The following ATP8A1 variants were observed in gnomAD, a reference collection of about 807,000 sequenced individuals.
The protein encoded by ATP8A1 is phospholipid-transporting ATPase IA.
Under a neutral mutation model 177.7 loss-of-function variants are expected in ATP8A1, and 90 were observed. That is an observed-to-expected ratio of 0.51 (90% confidence interval 0.43 to 0.60). The LOEUF (loss-of-function observed/expected upper bound fraction) is 0.60, where lower values mean the gene tolerates loss of function less well. ATP8A1 is among the 20% of genes least tolerant of loss of function. The probability of loss-of-function intolerance (pLI) is 0.00; values close to 1 mark genes in which losing one functional copy is unlikely to be tolerated. For missense variants in ATP8A1, 1,072 were observed against 1,392.8 expected (o/e 0.77, Z 3.67); for synonymous variants, 493 against 485.9 (o/e 1.01, Z -0.19).
chr4:42,644,991 C>T (rs1414717608), intron 1 of ATP8A1, among the ~76,000 whole-genome samples: 1 of 151,634 alleles, frequency 6.6e-6, no homozygotes, highest in Non-Finnish European at 1.5e-5. Context: ...CAAATATAGG[C>T]TGAATAAAGC....
intron 1 of ATP8A1, among the ~76,000 whole-genome samples, chr4:42,643,436 G>A (rs550880077): frequency 2.0e-5 from 3 of 152,192 alleles, no homozygotes; most frequent in South Asian, 4.1e-4. Context: ...TTTCTATTTC[G>A]GTAAATGGCA....
At position 42,473,262 on chromosome 4, in the gene ATP8A1, C is replaced by A. The variant is rs191393624; in HGVS notation, c.2325-8186G>T. On this transcript the variant is annotated intron_variant, in intron 25 of 36. Transcript: ENST00000381668. ...GATCTCAGGATCTTTCTTCTGCCCC[C>A]AAGAGTTATTAATTTAAGGACTTTT... Among the ~76,000 whole-genome samples, 88 of 152,280 alleles carry A rather than the reference C, an allele frequency of 5.8e-4. No homozygotes were observed. The East Asian group carries it at 0.016, about 27-fold the overall frequency.
intron 16 of ATP8A1, 83 bp downstream of exon 16, chr4:42,555,885 C>A: frequency 1.2e-6 from 1 of 866,806 alleles, no homozygotes; most frequent in Non-Finnish European, 1.8e-6. Context: ...AAAAGAGAAA[C>A]ATGTAAACAT....
At chr4:42,546,595 AC>A (rs1271146570) in intron 19 of ATP8A1, among the ~76,000 whole-genome samples, 10 of 148,988 alleles carry the variant, frequency 6.7e-5, no homozygotes, top group South Asian at 2.2e-4. Context: ...AAAAAAAAAA[AC>A]AAAAAAACTC....
At chr4:42,508,043 C>T (rs945241922) in intron 22 of ATP8A1, among the ~76,000 whole-genome samples, 3 of 152,120 alleles carry the variant, frequency 2.0e-5, no homozygotes, top group African/African-American at 7.2e-5. Flanking sequence ...AGGGGAAGAT[C>T]AGACTCAAAG....
chr4:42,537,154 A>C (rs1166775403), intron 20 of ATP8A1, among the ~76,000 whole-genome samples: 8 of 151,348 alleles, frequency 5.3e-5, no homozygotes, highest in Non-Finnish European at 1.0e-4. Context: ...AAACAAAAAA[A>C]CCAAAAAAAC....
intron 35 of ATP8A1, among the ~76,000 whole-genome samples, chr4:42,416,976 G>C (rs1221380568): frequency 6.6e-6 from 1 of 152,148 alleles, no homozygotes; most frequent in East Asian, 1.9e-4. Context: ...ATGGGTTTTA[G>C]TTTATAATGT....
intron 4 of ATP8A1, among the ~76,000 whole-genome samples, chr4:42,621,279 T>C (rs7688946): frequency 0.23 from 34,609 of 152,256 alleles, 4,422 homozygotes; most frequent in Non-Finnish European, 0.29. Context: ...TTGAAACTGA[T>C]GATCTAAATG....
At chr4:42,605,042 T>C (rs1735655803) in intron 5 of ATP8A1, among the ~76,000 whole-genome samples, 1 of 152,212 alleles carries the variant, frequency 6.6e-6, no homozygotes, top group Non-Finnish European at 1.5e-5. Flanking sequence ...ACTGTTTACA[T>C]GTATAGGGTT....
chr4:42,555,867 A>G (rs1730179014), intron 16 of ATP8A1, 101 bp downstream of exon 16: 1 of 743,834 alleles, frequency 1.3e-6, no homozygotes, highest in Admixed American at 3.4e-5. Flanking sequence ...AAAGATCATG[A>G]AAGTAAAAAA....
intron 20 of ATP8A1, among the ~76,000 whole-genome samples, chr4:42,536,224 T>C (rs564857632): frequency 6.6e-6 from 1 of 151,982 alleles, no homozygotes; most frequent in Admixed American, 6.5e-5. Flanking sequence ...ACCAAGAAAA[T>C]AAGAGAGAAG....
At chr4:42,550,541 T>C (rs1249530796) in intron 18 of ATP8A1, among the ~76,000 whole-genome samples, 2 of 152,232 alleles carry the variant, frequency 1.3e-5, no homozygotes, top group Non-Finnish European at 2.9e-5. Flanking sequence ...ACTTTACCAC[T>C]TTACACATCT....
intron 35 of ATP8A1, among the ~76,000 whole-genome samples, chr4:42,416,674 G>A (rs565471804): frequency 6.6e-6 from 1 of 152,102 alleles, no homozygotes; most frequent in South Asian, 2.1e-4. Context: ...TTATTAGCTG[G>A]GTCACCACAG....
At chr4:42,430,147 T>C (rs1484391895) in intron 33 of ATP8A1, among the ~76,000 whole-genome samples, 3 of 151,374 alleles carry the variant, frequency 2.0e-5, no homozygotes, top group East Asian at 1.9e-4. Flanking sequence ...AACATTTAAA[T>C]GAAAAAGAAA....
chr4:42,557,086 C>T (rs1560457645), intron 15 of ATP8A1, among the ~76,000 whole-genome samples: 1 of 152,130 alleles, frequency 6.6e-6, no homozygotes, highest in African/African-American at 2.4e-5. Context: ...CACATTTCTC[C>T]AGTAAACTTA....
chr4:42,636,146 A>G (rs796860363), intron 1 of ATP8A1, among the ~76,000 whole-genome samples: 5,548 of 28,942 alleles, frequency 0.19, 380 homozygotes, highest in African/African-American at 0.38. Flanking sequence ...ACACACACAC[A>G]CACACACACA....
intron 5 of ATP8A1, among the ~76,000 whole-genome samples, chr4:42,608,675 G>C (rs1320952271): frequency 6.6e-6 from 1 of 152,034 alleles, no homozygotes; most frequent in Non-Finnish European, 1.5e-5. Flanking sequence ...TCTTAAGTGG[G>C]TAACAAGAGG....
intron 33 of ATP8A1, among the ~76,000 whole-genome samples, chr4:42,439,387 T>A (rs915738114): frequency 6.6e-6 from 1 of 152,222 alleles, no homozygotes; most frequent in South Asian, 2.1e-4. Context: ...GTGTTGGAAA[T>A]CACAAGATGT....
intron 35 of ATP8A1, among the ~76,000 whole-genome samples, chr4:42,421,209 G>C (rs1292494063): frequency 1.3e-5 from 2 of 152,328 alleles, no homozygotes; most frequent in South Asian, 2.1e-4. Context: ...AAAAGGTGGA[G>C]GGAGGAGGAC....
Sources: gnomAD v4.1 joint callset for allele counts (sites outside exome capture counted in the v4.1 genomes callset) on GRCh38, gnomAD v4.1.1 for gene constraint, MANE v1.5 for transcripts, NCBI Gene and HGNC (gene_info 2026-07-23, HGNC 2026-07-21) for gene names.